GNA14: variants seen among roughly 807,000 people sequenced by gnomAD.
The protein encoded by GNA14 is G protein subunit alpha 14.
A neutral mutation model predicts 42.0 loss-of-function variants in GNA14; 50 were observed. That is an observed-to-expected ratio of 1.19 (90% CI 0.95 to 1.51). The LOEUF is 1.51. GNA14 is among the 40% of genes most tolerant of loss of function. The pLI is 0.00. For missense variants in GNA14, 473 were observed against 446.2 expected (o/e 1.06, Z -0.54); for synonymous variants, 173 against 163.1 (o/e 1.06, Z -0.46).
intron 4 of GNA14, among the ~76,000 whole-genome samples, chr9:77,430,668 AT>A (rs1403285520): frequency 2.0e-5 from 3 of 152,222 alleles, no homozygotes; most frequent in African/African-American, 7.2e-5. Flanking sequence ...ATCGTGTGTG[AT>A]AATTGTTAGG....
intron 1 of GNA14, among the ~76,000 whole-genome samples, chr9:77,544,130 C>T (rs1837692396): frequency 6.6e-6 from 1 of 152,158 alleles, no homozygotes; most frequent in Non-Finnish European, 1.5e-5. Flanking sequence ...AACATTATAA[C>T]TGTTGCTCCC....
intron 1 of GNA14, among the ~76,000 whole-genome samples, chr9:77,572,099 T>C (rs1823069173): frequency 6.6e-6 from 1 of 152,136 alleles, no homozygotes; most frequent in African/African-American, 2.4e-5. Context: ...GAAAGGCCCA[T>C]GAAAAATTCC....
chr9:77,553,233 A>G (rs759574873), intron 1 of GNA14, among the ~76,000 whole-genome samples: 21 of 152,040 alleles, frequency 1.4e-4, no homozygotes, highest in Non-Finnish European at 3.1e-4. Flanking sequence ...CTTCCTTAGT[A>G]CCTCTCCCTA....
chr9:77,629,558 G>C (rs1278469748), intron 1 of GNA14, among the ~76,000 whole-genome samples: 1 of 152,136 alleles, frequency 6.6e-6, no homozygotes, highest in Non-Finnish European at 1.5e-5. Flanking sequence ...CCATAAAAAG[G>C]ATCAGTTTAT....
chr9:77,646,440 C>G (rs1023044391), intron 1 of GNA14, among the ~76,000 whole-genome samples: 1 of 151,994 alleles, frequency 6.6e-6, no homozygotes, highest in Non-Finnish European at 1.5e-5. Context: ...GGGCACACCC[C>G]CCCCCAACCC....
chr9:77,579,509 G>C (rs184054489), intron 1 of GNA14, among the ~76,000 whole-genome samples: 2 of 152,084 alleles, frequency 1.3e-5, no homozygotes, highest in African/African-American at 4.8e-5. Flanking sequence ...AGTTGCTCCA[G>C]TTTTATAAAG....
At chr9:77,451,286 A>T (rs1335156049) in intron 2 of GNA14, among the ~76,000 whole-genome samples, 1 of 152,218 alleles carries the variant, frequency 6.6e-6, no homozygotes, top group Non-Finnish European at 1.5e-5. Flanking sequence ...CAACATTAGC[A>T]GTCTCTAGCT....
At chr9:77,458,990 G>A (rs536329689) in intron 2 of GNA14, among the ~76,000 whole-genome samples, 1 of 151,410 alleles carries the variant, frequency 6.6e-6, no homozygotes, top group East Asian at 1.9e-4. Context: ...ATAAGTCATC[G>A]CCCTCCATCC....
chr9:77,428,563 A>G (rs1203010241), intron 5 of GNA14, among the ~76,000 whole-genome samples: 1 of 152,108 alleles, frequency 6.6e-6, no homozygotes, highest in Non-Finnish European at 1.5e-5. Context: ...GGTTGGACTC[A>G]GGCACCAGGT....
At chr9:77,493,026 A>AAAAAAAAATATATAT (rs1554691641) in intron 2 of GNA14, among the ~76,000 whole-genome samples, 2 of 51,720 alleles carry the variant, frequency 3.9e-5, no homozygotes, top group Non-Finnish European at 6.6e-5. Context: ...AAAAAAAAAA[A>AAAAAAAAATATATAT]ATATATATAT....
intron 1 of GNA14, among the ~76,000 whole-genome samples, chr9:77,623,688 C>T (rs1339979006): frequency 6.6e-6 from 1 of 152,174 alleles, no homozygotes; most frequent in Non-Finnish European, 1.5e-5. Context: ...CTACCCTAGC[C>T]AAGGGAAGCC....
At chr9:77,534,465 T>C (rs1837570058) in intron 1 of GNA14, among the ~76,000 whole-genome samples, 1 of 152,224 alleles carries the variant, frequency 6.6e-6, no homozygotes, top group East Asian at 1.9e-4. Context: ...TTCTAATGTT[T>C]ACATAAAATT....
chr9:77,591,050 A>G (rs563838656), intron 1 of GNA14, among the ~76,000 whole-genome samples: 17 of 152,298 alleles, frequency 1.1e-4, no homozygotes, highest in African/African-American at 4.1e-4. Context: ...AAGTCATCTC[A>G]TTTTTAGTGA....
intron 2 of GNA14, among the ~76,000 whole-genome samples, chr9:77,470,130 G>A (rs780284636): frequency 8.5e-5 from 13 of 152,116 alleles, no homozygotes; most frequent in South Asian, 2.1e-4. Context: ...CTCTGGAGGC[G>A]GAGAATGCTC....
chr9:77,504,459 A>C (rs1837029065), intron 2 of GNA14, among the ~76,000 whole-genome samples: 1 of 151,670 alleles, frequency 6.6e-6, no homozygotes, highest in African/African-American at 2.4e-5. Flanking sequence ...CTCCTAGAAG[A>C]CTCATTACCA....
intron 1 of GNA14, among the ~76,000 whole-genome samples, chr9:77,627,910 A>AT: frequency 6.6e-6 from 1 of 152,156 alleles, no homozygotes; most frequent in East Asian, 1.9e-4. Flanking sequence ...GGCAAGAGAA[A>AT]GAAAAAAAGG....
chr9:77,595,260 G>C (rs1315141433), intron 1 of GNA14, among the ~76,000 whole-genome samples: 1 of 152,110 alleles, frequency 6.6e-6, no homozygotes, highest in Non-Finnish European at 1.5e-5. Context: ...CCTTGGCTTA[G>C]GTCATCAAGG....
At chr9:77,560,698 C>G (rs746646929) in intron 1 of GNA14, among the ~76,000 whole-genome samples, 2 of 152,162 alleles carry the variant, frequency 1.3e-5, no homozygotes, top group Non-Finnish European at 2.9e-5. Context: ...CTGGTTCCAA[C>G]AGCTACTTCA....
intron 1 of GNA14, among the ~76,000 whole-genome samples, chr9:77,552,531 A>T (rs1209356023): frequency 6.6e-6 from 1 of 152,150 alleles, no homozygotes; most frequent in Non-Finnish European, 1.5e-5. Context: ...CATTTTTGTT[A>T]TGATATATTA....
Sources: allele counts gnomAD v4.1 joint callset (sites outside exome capture counted in the v4.1 genomes callset), GRCh38; gene constraint gnomAD v4.1.1; transcripts MANE v1.5; gene names NCBI Gene and HGNC (gene_info 2026-07-23, HGNC 2026-07-21).